Variants in KIFAP3 observed in about 807,000 individuals in gnomAD.
KIFAP3 encodes the protein kinesin-associated protein 3.
In KIFAP3, 68 loss-of-function variants were observed where a neutral mutation model predicts 106.5. The observed-to-expected ratio is 0.64, with a 90% CI of 0.53 to 0.78. The LOEUF (loss-of-function observed/expected upper bound fraction) is 0.78, where lower values mean the gene tolerates loss of function less well. KIFAP3 is among the 30% of genes least tolerant of loss of function. The pLI, the probability that KIFAP3 is intolerant of heterozygous loss-of-function variation, is 0.00. For missense variants in KIFAP3, 780 were observed against 941.8 expected, an observed-to-expected ratio of 0.83 and a Z score of 2.25; for synonymous variants, 320 against 311.5, an observed-to-expected ratio of 1.03 and a Z score of -0.29.
chr1:170,031,000 A>G (rs917687980), intron 8 of KIFAP3, among the ~76,000 whole-genome samples: 3 of 151,866 alleles, frequency 2.0e-5, no homozygotes, highest in Admixed American at 6.6e-5. Context: ...CAATATTTGC[A>G]TAAATATTTG....
At chr1:170,033,550 C>G (rs1201949055) in intron 7 of KIFAP3, among the ~76,000 whole-genome samples, 1 of 151,692 alleles carries the variant, frequency 6.6e-6, no homozygotes, top group African/African-American at 2.4e-5. Flanking sequence ...GGCCTTTGAT[C>G]TAGAAGCATT....
chr1:170,067,301 A>G (rs1464967221), intron 1 of KIFAP3, among the ~76,000 whole-genome samples: 6 of 152,226 alleles, frequency 3.9e-5, no homozygotes, highest in African/African-American at 7.2e-5. Context: ...TGGCTAAGTG[A>G]CATCAGTGAA....
In KIFAP3 at chr1:170,020,063, T is replaced by C. The variant is rs545552064; in HGVS notation, c.1021-3439A>G. On this transcript the variant is annotated intron_variant, in intron 9 of 19. Coordinates refer to ENST00000361580, the MANE Select transcript of KIFAP3 (RefSeq NM_014970.4). ...CAAAACCAGGAAACTGGTAATTTTT[T>C]AAACTGCCACTTATAATGGTAAAAT... Among the ~76,000 whole-genome samples, 6 of 152,318 alleles carry C rather than the reference T, an allele frequency of 3.9e-5. 1 individual carries two copies. Among genetic ancestry groups the C allele is most frequent in the African/African-American group, 1.4e-4 (6 of 41,586 alleles).
chr1:169,973,647 G>C (rs1666062691), intron 16 of KIFAP3, among the ~76,000 whole-genome samples: 1 of 151,664 alleles, frequency 6.6e-6, no homozygotes, highest in Non-Finnish European at 1.5e-5. Context: ...TAATTAGACT[G>C]ACTACAGACT....
intron 19 of KIFAP3, among the ~76,000 whole-genome samples, chr1:169,946,061 A>G (rs1664424260): frequency 6.6e-6 from 1 of 152,194 alleles, no homozygotes; most frequent in African/African-American, 2.4e-5. Flanking sequence ...TAATAAGCCC[A>G]TGAGGATTCA....
chr1:170,043,677 T>C (rs1670095683), intron 3 of KIFAP3, among the ~76,000 whole-genome samples: 3 of 152,100 alleles, frequency 2.0e-5, no homozygotes, highest in Admixed American at 1.3e-4. Context: ...ATGGGAAGTT[T>C]TAACAGTTAT....
At chr1:169,945,677 T>C (rs1006523501) in intron 19 of KIFAP3, among the ~76,000 whole-genome samples, 2 of 152,224 alleles carry the variant, frequency 1.3e-5, no homozygotes, top group Non-Finnish European at 2.9e-5. Context: ...AAGAGGGTAG[T>C]TCTGTCACAA....
intron 19 of KIFAP3, among the ~76,000 whole-genome samples, chr1:169,932,739 A>T (rs1348168681): frequency 6.8e-6 from 1 of 147,750 alleles, no homozygotes; most frequent in Admixed American, 6.8e-5. Context: ...GTTAAAACTC[A>T]TGTCTCCAAA....
chr1:170,000,203 G>C (rs1011193894), intron 10 of KIFAP3, among the ~76,000 whole-genome samples: 1 of 152,044 alleles, frequency 6.6e-6, no homozygotes, highest in African/African-American at 2.4e-5. Context: ...AGTAGATCCA[G>C]CCCAACACTG....
intron 19 of KIFAP3, among the ~76,000 whole-genome samples, chr1:169,943,308 G>GA (rs1664242507): frequency 6.6e-6 from 1 of 151,902 alleles, no homozygotes; most frequent in African/African-American, 2.4e-5. Context: ...AAATATCTTA[G>GA]AAAAAATATC....
intron 2 of KIFAP3, among the ~76,000 whole-genome samples, chr1:170,054,603 T>C (rs1670745912): frequency 6.6e-6 from 1 of 152,202 alleles, no homozygotes; most frequent in Non-Finnish European, 1.5e-5. Flanking sequence ...ATGTGGCACA[T>C]ATACATCACG....
chr1:170,000,623 C>A lies in KIFAP3; in HGVS notation c.1184-8368G>T, dbSNP rs543195524. 1.7e-3 allele frequency among the ~76,000 whole-genome samples: 261 copies of A among 152,198 alleles called. 1 individual carries two copies. The highest frequency in any genetic ancestry group is 6.1e-3 in the African/African-American group (254 of 41,554). On this transcript the variant is annotated intron_variant, in intron 10 of 19. Transcript: ENST00000361580. ...AAGCTATATCAGAACATCTTTGATA[C>A]ATGTTTCCATATAATTTTATGCTTA...
intron 4 of KIFAP3, 103 bp downstream of exon 4, chr1:170,039,130 A>T (rs1331970407): frequency 8.8e-6 from 5 of 568,708 alleles, no homozygotes; most frequent in African/African-American, 1.9e-5. Context: ...GTCATTTTTT[A>T]AAAATACCAC....
At chr1:170,072,209 T>C (rs1485140016) in intron 1 of KIFAP3, among the ~76,000 whole-genome samples, 1 of 152,230 alleles carries the variant, frequency 6.6e-6, no homozygotes, top group Non-Finnish European at 1.5e-5. Flanking sequence ...AAGTCCCATA[T>C]GATTTGGCTC....
At chr1:169,939,320 G>A (rs1663979087) in intron 19 of KIFAP3, among the ~76,000 whole-genome samples, 1 of 152,118 alleles carries the variant, frequency 6.6e-6, no homozygotes, top group Non-Finnish European at 1.5e-5. Context: ...GAGGGTAATG[G>A]TGAAGAAAAG....
Position 170,085,167 on chromosome 1 carries a change from G to C in KIFAP3, n.42C>G, listed in dbSNP as rs1256010189. On this transcript the variant is annotated non_coding_transcript_exon_variant, in exon 1 of 6. Transcript: ENST00000490550. The stretch of plus-strand genomic sequence containing the variant: ...TCATGTAGCACATCTTAATACAAAG[G>C]AGATTTCAGTTAAAAGGACCCTTTA... 3.3e-5 allele frequency: 5 copies of C among 152,202 alleles called. No homozygotes were observed. The Middle Eastern group carries it at 0.014, about 414-fold the overall frequency. The allele number at this position is 152,202 out of a possible 1,614,324, so 9.4% of individuals were successfully genotyped here. A position where few individuals can be genotyped will look rare whatever the true frequency, so the allele number is the denominator to read the frequency against.
At chr1:170,004,193 AGTG>A (rs1667818483) in intron 10 of KIFAP3, among the ~76,000 whole-genome samples, 6 of 150,564 alleles carry the variant, frequency 4.0e-5, no homozygotes, top group Admixed American at 3.3e-4. Context: ...ACCACTGCTC[AGTG>A]AAATAAAAGA....
upstream of KIFAP3, among the ~76,000 whole-genome samples, chr1:170,079,339 A>G (rs540929549): frequency 3.9e-5 from 6 of 152,226 alleles, no homozygotes; most frequent in African/African-American, 1.4e-4. Context: ...CTGGCCCCCT[A>G]CTTCTTGTAC....
chr1:170,018,349 GA>G (rs2102006670), intron 9 of KIFAP3, among the ~76,000 whole-genome samples: 1 of 152,168 alleles, frequency 6.6e-6, no homozygotes, highest in Admixed American at 6.5e-5. Flanking sequence ...TGCTCTAGAA[GA>G]TTATAAAATT....
Sources: allele counts gnomAD v4.1 joint callset (sites outside exome capture counted in the v4.1 genomes callset), GRCh38; gene constraint gnomAD v4.1.1; transcripts MANE v1.5; gene names NCBI Gene and HGNC (gene_info 2026-07-23, HGNC 2026-07-21).